Variants in RUNDC3B observed in about 807,000 individuals in gnomAD.
RUNDC3B encodes the protein RUN domain-containing protein 3B.
A neutral mutation model predicts 58.4 loss-of-function variants in RUNDC3B; 33 were observed. The observed-to-expected ratio is 0.56, with a 90% CI of 0.43 to 0.75. The LOEUF (loss-of-function observed/expected upper bound fraction) is 0.75. RUNDC3B is among the 30% of genes least tolerant of loss of function. The pLI is 0.00. For missense variants in RUNDC3B, 501 were observed against 535.7 expected (o/e 0.94, Z 0.64); for synonymous variants, 193 against 195.2 (o/e 0.99, Z 0.10).
chr7:87,629,135 T>C (rs1820939074), intron 1 of RUNDC3B, 190 bp downstream of exon 1: 1 of 451,122 alleles, frequency 2.2e-6, no homozygotes, highest in Non-Finnish European at 3.7e-6. Context: ...GTCGCAGCCC[T>C]GGACTTTGTG....
intron 8 of RUNDC3B, among the ~76,000 whole-genome samples, chr7:87,798,975 A>G (rs1835971887): frequency 6.6e-6 from 1 of 152,218 alleles, no homozygotes; most frequent in South Asian, 2.1e-4. Context: ...TCTAAAGTTA[A>G]AAAAGAAAAT....
intron 1 of RUNDC3B, among the ~76,000 whole-genome samples, chr7:87,644,060 T>C (rs1029260096): frequency 2.6e-5 from 4 of 152,122 alleles, no homozygotes; most frequent in East Asian, 1.9e-4. Context: ...AGTTTCACCA[T>C]GTTGGCCAGG....
At chr7:87,755,210 A>G (rs1284293977) in intron 6 of RUNDC3B, among the ~76,000 whole-genome samples, 1 of 152,008 alleles carries the variant, frequency 6.6e-6, no homozygotes, top group Non-Finnish European at 1.5e-5. Context: ...ATTAGTAGAT[A>G]TGGGGTTTCA....
At chr7:87,729,962 C>G (rs1435684113) in intron 4 of RUNDC3B, among the ~76,000 whole-genome samples, 7 of 152,200 alleles carry the variant, frequency 4.6e-5, no homozygotes, top group Non-Finnish European at 8.8e-5. Context: ...GTTGACATTT[C>G]TAGACACAGC....
intron 8 of RUNDC3B, among the ~76,000 whole-genome samples, chr7:87,791,336 G>A (rs1403822472): frequency 6.6e-6 from 1 of 152,096 alleles, no homozygotes; most frequent in Non-Finnish European, 1.5e-5. Flanking sequence ...ATGCTGGAGG[G>A]AGATCTTCAA....
At chr7:87,724,335 G>A (rs537458314) in intron 4 of RUNDC3B, among the ~76,000 whole-genome samples, 1 of 152,202 alleles carries the variant, frequency 6.6e-6, no homozygotes, top group African/African-American at 2.4e-5. Context: ...AGCAGGGATA[G>A]TTGTGTATTT....
intron 2 of RUNDC3B, among the ~76,000 whole-genome samples, chr7:87,651,824 T>C (rs902897740): frequency 6.6e-6 from 1 of 152,122 alleles, no homozygotes; most frequent in Non-Finnish European, 1.5e-5. Context: ...GAGCAAAGGA[T>C]TGAATTGAAA....
chr7:87,791,130 TG>T (rs1835501317), intron 8 of RUNDC3B, among the ~76,000 whole-genome samples: 1 of 152,090 alleles, frequency 6.6e-6, no homozygotes, highest in African/African-American at 2.4e-5. Context: ...CCAATATGTC[TG>T]GCAGCAGACT....
intron 8 of RUNDC3B, among the ~76,000 whole-genome samples, chr7:87,798,930 A>C (rs889742693): frequency 1.3e-5 from 2 of 152,194 alleles, no homozygotes; most frequent in African/African-American, 2.4e-5. Context: ...ATAATTGTAA[A>C]GTTATATAAA....
At chr7:87,713,488 G>A (rs1583972955) in intron 4 of RUNDC3B, among the ~76,000 whole-genome samples, 1 of 152,168 alleles carries the variant, frequency 6.6e-6, no homozygotes, top group East Asian at 1.9e-4. Context: ...AAATATGTGT[G>A]ATCTTTTTGC....
At chr7:87,783,238 A>T (rs115410848) in intron 8 of RUNDC3B, among the ~76,000 whole-genome samples, 1 of 151,760 alleles carries the variant, frequency 6.6e-6, no homozygotes, top group Admixed American at 6.6e-5. Flanking sequence ...ACTCTTTATC[A>T]TTATGTAATG....
At chr7:87,670,024 C>T (rs553184090) in intron 2 of RUNDC3B, among the ~76,000 whole-genome samples, 1 of 152,226 alleles carries the variant, frequency 6.6e-6, no homozygotes, top group African/African-American at 2.4e-5. Flanking sequence ...CCCTGTACCT[C>T]GTTGGGGAAG....
chr7:87,667,881 G>C (rs1563117331), intron 2 of RUNDC3B, among the ~76,000 whole-genome samples: 1 of 152,046 alleles, frequency 6.6e-6, no homozygotes, highest in Non-Finnish European at 1.5e-5. Flanking sequence ...GCCAGATTTG[G>C]TTTTCCAGTA....
chr7:87,720,456 C>G (rs1830808690), intron 4 of RUNDC3B, among the ~76,000 whole-genome samples: 1 of 151,444 alleles, frequency 6.6e-6, no homozygotes, highest in Non-Finnish European at 1.5e-5. Flanking sequence ...AAAAAATCTA[C>G]ATAGTAACTT....
chr7:87,736,226 T>C (rs115568521), intron 4 of RUNDC3B, among the ~76,000 whole-genome samples: 1,746 of 152,300 alleles, frequency 0.011, 42 homozygotes, highest in African/African-American at 0.04. Flanking sequence ...CTTTCTCATA[T>C]TTTAATATTG....
intron 4 of RUNDC3B, among the ~76,000 whole-genome samples, chr7:87,739,000 A>G (rs1354342114): frequency 1.3e-5 from 2 of 151,924 alleles, no homozygotes; most frequent in African/African-American, 2.4e-5. Flanking sequence ...CAGTGTGATC[A>G]TCCCTGGTTA....
chr7:87,818,469 G>T (rs1837202530), intron 10 of RUNDC3B, among the ~76,000 whole-genome samples: 1 of 152,122 alleles, frequency 6.6e-6, no homozygotes, highest in Admixed American at 6.5e-5. Context: ...AAGACTCCTA[G>T]AATTCTCAAA....
chr7:87,777,805 T>C lies in RUNDC3B; in HGVS notation c.806T>C (p.Leu269Pro). The C allele has an allele frequency of 6.2e-7, 1 of 1,613,522 alleles. No homozygotes were observed. The highest frequency in any genetic ancestry group is 1.1e-5 in the South Asian group (1 of 91,048). The change falls in exon 8 of 11, where the codon CTT (leucine) becomes CCT (proline). Residue 269 changes from leucine to proline, a missense_variant. Transcript: ENST00000394654. Reference protein sequence around the residue: ...YQLTLEQKGYLEELLRLRENQ... With the variant: ...YQLTLEQKGYPEELLRLRENQ... ...ATGATACTGGATTTCCAGGGTTACC[T>C]TGAAGAACTCTTACGACTTCGAGAG... is the stretch of plus-strand genomic sequence containing the variant.
At position 87,739,962 on chromosome 7, in the gene RUNDC3B, T is replaced by G. The variant is rs1009447733; in HGVS notation, c.548+82T>G. Reference sequence around the variant, plus strand: ...TTATGATTTTTTTCTTTCAGTTGTCTAAGTAAAGCACACAGTTGGATATTG... The same window carrying G: ...TTATGATTTTTTTCTTTCAGTTGTCGAAGTAAAGCACACAGTTGGATATTG... On this transcript the variant is annotated intron_variant, in intron 5 of 10. Coordinates refer to ENST00000394654, the MANE Select transcript of RUNDC3B (RefSeq NM_001134405.2). The G allele has an allele frequency of 8.4e-6, 5 of 595,626 alleles. 1 individual carries two copies. Among genetic ancestry groups the G allele is most frequent in the Non-Finnish European group, 2.9e-6 (1 of 340,044 alleles). The allele number at this position is 595,626 out of a possible 1,614,324, so 36.9% of individuals were successfully genotyped here. A position where few individuals can be genotyped will look rare whatever the true frequency, so the allele number is the denominator to read the frequency against.
Sources: gnomAD v4.1 joint callset for allele counts (sites outside exome capture counted in the v4.1 genomes callset) on GRCh38, gnomAD v4.1.1 for gene constraint, MANE v1.5 for transcripts, NCBI Gene and HGNC (gene_info 2026-07-23, HGNC 2026-07-21) for gene names.